The following POU3F3 variants were observed in gnomAD, a reference collection of about 807,000 sequenced individuals.
POU3F3 encodes the protein POU class 3 homeobox 3, also known as POU domain, class 3, transcription factor 3.
Under a neutral mutation model 8.6 loss-of-function variants are expected in POU3F3, and 1 was observed. That is an observed-to-expected ratio of 0.12 (90% CI 0.04 to 0.55). POU3F3 has a LOEUF of 0.55. Among genes scored for constraint, POU3F3 ranks in the 20% least tolerant of loss-of-function variants. The pLI, the probability that POU3F3 is intolerant of heterozygous loss-of-function variation, is 0.91. For missense variants in POU3F3, 577 were observed against 690.7 expected (o/e 0.84, Z 1.84); for synonymous variants, 418 against 327.4 (o/e 1.28, Z -2.99).
chr2:104,901,795 G>A, the POU3F3 span, among the ~76,000 whole-genome samples: 4 of 152,348 alleles, frequency 2.6e-5, no homozygotes, highest in South Asian at 2.1e-4. Flanking sequence ...AAAACAGCAC[G>A]GAAAATAACA....
At chr2:104,868,576 G>A in the POU3F3 span, among the ~76,000 whole-genome samples, 1 of 152,256 alleles carries the variant, frequency 6.6e-6, no homozygotes, top group Non-Finnish European at 1.5e-5. Context: ...GTTGGTCCAA[G>A]CCCTCAGGCC....
the POU3F3 span, among the ~76,000 whole-genome samples, chr2:104,905,976 CT>C: frequency 1.3e-5 from 2 of 152,182 alleles, no homozygotes; most frequent in Non-Finnish European, 2.9e-5. Flanking sequence ...TGGTGATAGC[CT>C]TTGAAAGTCA....
At chr2:104,905,640 T>A in the POU3F3 span, among the ~76,000 whole-genome samples, 1 of 152,202 alleles carries the variant, frequency 6.6e-6, no homozygotes, top group Non-Finnish European at 1.5e-5. Flanking sequence ...TAAGAGGGAA[T>A]GTGTTCCAGC....
chr2:104,896,700 T>G, the POU3F3 span, among the ~76,000 whole-genome samples: 2 of 152,226 alleles, frequency 1.3e-5, no homozygotes, highest in Non-Finnish European at 2.9e-5. Context: ...CACGTCCTGG[T>G]CCCTTTCTCC....
chr2:104,862,413 C>A (rs1290212954), downstream of POU3F3, among the ~76,000 whole-genome samples: 1 of 152,188 alleles, frequency 6.6e-6, no homozygotes, highest in African/African-American at 2.4e-5. Flanking sequence ...CAGTCTGGAC[C>A]CCGAAGCCCT....
chr2:104,875,558 T>C, the POU3F3 span, among the ~76,000 whole-genome samples: 1 of 152,232 alleles, frequency 6.6e-6, no homozygotes, highest in African/African-American at 2.4e-5. Flanking sequence ...AAGTGATATC[T>C]CATTGTGGTT....
the POU3F3 span, among the ~76,000 whole-genome samples, chr2:104,895,765 A>G: frequency 6.6e-6 from 1 of 152,202 alleles, no homozygotes; most frequent in Non-Finnish European, 1.5e-5. Flanking sequence ...GGATAAAAAT[A>G]TTGAGGGGAA....
chr2:104,907,842 G>T, the POU3F3 span, among the ~76,000 whole-genome samples: 1 of 152,020 alleles, frequency 6.6e-6, no homozygotes, highest in African/African-American at 2.4e-5. Flanking sequence ...CCCTTGACTT[G>T]CTATTGACTT....
At chr2:104,923,529 A>G in the POU3F3 span, among the ~76,000 whole-genome samples, 1 of 152,298 alleles carries the variant, frequency 6.6e-6, no homozygotes, top group East Asian at 1.9e-4. Context: ...ATAGCTGTAG[A>G]GTATACACAA....
At chr2:104,860,055 CA>C (rs1676636719), downstream of POU3F3, among the ~76,000 whole-genome samples, 1 of 152,154 alleles carries the variant, frequency 6.6e-6, no homozygotes, top group Admixed American at 6.6e-5. Context: ...GTTGATTAGA[CA>C]AGTAATAGGT....
the POU3F3 span, among the ~76,000 whole-genome samples, chr2:104,926,802 T>G: frequency 6.6e-6 from 1 of 152,082 alleles, no homozygotes; most frequent in South Asian, 2.1e-4. Context: ...TGCAGGGACA[T>G]GGATGAAGCT....
the POU3F3 span, among the ~76,000 whole-genome samples, chr2:104,864,539 T>G: frequency 7.2e-5 from 11 of 151,788 alleles, no homozygotes; most frequent in East Asian, 1.2e-3. Context: ...TTAGAGTTGG[T>G]TTTTTTTCCA....
At chr2:104,891,184 C>T in the POU3F3 span, among the ~76,000 whole-genome samples, 2 of 152,128 alleles carry the variant, frequency 1.3e-5, no homozygotes, top group African/African-American at 4.8e-5. Context: ...CTCCTCTTTC[C>T]ATCCAGGGTC....
At chr2:104,903,001 A>T in the POU3F3 span, among the ~76,000 whole-genome samples, 1 of 152,234 alleles carries the variant, frequency 6.6e-6, no homozygotes, top group African/African-American at 2.4e-5. Context: ...TCCTTTTAGA[A>T]TGTAATGTCA....
chr2:104,853,308 C>G (rs1477408244), upstream of POU3F3: 1 of 152,522 alleles, frequency 6.6e-6, no homozygotes. Flanking sequence ...GCGAGCGGTC[C>G]GTCTCGCACG....
chr2:104,862,354 T>C (rs1400538118), downstream of POU3F3, among the ~76,000 whole-genome samples: 1 of 152,134 alleles, frequency 6.6e-6, no homozygotes, highest in Admixed American at 6.5e-5. Context: ...TGCGCGCGCG[T>C]GCCGTGTGCA....
At chr2:104,899,511 C>A in the POU3F3 span, among the ~76,000 whole-genome samples, 3 of 152,122 alleles carry the variant, frequency 2.0e-5, no homozygotes, top group Non-Finnish European at 4.4e-5. Flanking sequence ...TTGTGTGGGG[C>A]TGGATCAGAT....
chr2:104,879,732 T>A, the POU3F3 span, among the ~76,000 whole-genome samples: 1 of 152,076 alleles, frequency 6.6e-6, no homozygotes, highest in Admixed American at 6.5e-5. Flanking sequence ...CAGGAGCAGA[T>A]CTCCTGTTCC....
At chr2:104,912,104 G>A in the POU3F3 span, among the ~76,000 whole-genome samples, 1 of 152,168 alleles carries the variant, frequency 6.6e-6, no homozygotes, top group Non-Finnish European at 1.5e-5. Flanking sequence ...CACCCAGGGT[G>A]CCGTCATGGG....
Sources: allele counts gnomAD v4.1 joint callset (sites outside exome capture counted in the v4.1 genomes callset), GRCh38; gene constraint gnomAD v4.1.1; transcripts MANE v1.5; gene names NCBI Gene and HGNC (gene_info 2026-07-23, HGNC 2026-07-21).